GABRA3: variants seen among roughly 807,000 people sequenced by gnomAD.
GABRA3 encodes the protein gamma-aminobutyric acid receptor subunit alpha-3.
Under a neutral mutation model 30.1 loss-of-function variants are expected in GABRA3, and 10 were observed. That is an observed-to-expected ratio of 0.33 (90% confidence interval 0.20 to 0.56). The LOEUF is 0.56. GABRA3 is among the 20% of genes least tolerant of loss of function. The pLI, the probability that GABRA3 is intolerant of heterozygous loss-of-function variation, is 0.89. For missense variants in GABRA3, 233 were observed against 392.0 expected (o/e 0.59, Z 3.42); for synonymous variants, 151 against 146.8 (o/e 1.03, Z -0.21).
In GABRA3 at chrX:152,296,263, C is replaced by T. The variant is rs145858573; in HGVS notation, c.263-11528G>A. ...ACTAGCTATCTGAGTTGGCTAGCTT[C>T]ATAGATTTAAGGAGTGGACAACAGT... is the stretch of plus-strand genomic sequence containing the variant. On this transcript the variant is annotated intron_variant, in intron 3 of 9. Transcript: ENST00000370314. 9.6e-3 allele frequency among the ~76,000 whole-genome samples: 1,074 copies of T among 111,993 alleles called. 5 individuals are homozygous for T. The highest frequency in any genetic ancestry group is 0.016 in the Non-Finnish European group (837 of 53,203).
At chrX:152,364,674 AAG>A in intron 1 of GABRA3, 78 bp from the exon 2 acceptor site, 1 of 714,329 alleles carries the variant, frequency 1.4e-6, no homozygotes, top group Non-Finnish European at 2.0e-6. Flanking sequence ...AGAGGTAAAA[AAG>A]AGAGAAAGAG....
Position 152,189,951 on chromosome X carries a change from G to A in GABRA3, c.932-10C>T, listed in dbSNP as rs1937301368. 8.7e-7 allele frequency: 1 copy of A among 1,143,394 alleles called. No homozygotes were observed. The highest frequency in any genetic ancestry group is 1.8e-5 in the African/African-American group (1 of 55,308). The allele number at this position is 1,143,394 out of a possible 1,213,427, so 94.2% of individuals were successfully genotyped here. ...AGCACAGTGGTGACACCTGAGGAGA[G>A]GAAAGATGAGAACCAGTTGCAACTG... On this transcript the variant is annotated splice_polypyrimidine_tract_variant and intron_variant, in intron 8 of 9. Coordinates refer to ENST00000370314, the MANE Select transcript of GABRA3 (RefSeq NM_000808.4).
intron 3 of GABRA3, among the ~76,000 whole-genome samples, chrX:152,336,868 CA>C (rs1160340675): frequency 9.0e-6 from 1 of 111,095 alleles, no homozygotes; most frequent in African/African-American, 3.3e-5. Flanking sequence ...TAAACAGCTT[CA>C]AGAGGAAATC....
intron 4 of GABRA3, among the ~76,000 whole-genome samples, chrX:152,269,806 C>A (rs1252126934): frequency 2.7e-5 from 3 of 111,894 alleles, no homozygotes; most frequent in African/African-American, 9.7e-5. Context: ...AAGAAATAAA[C>A]TCGTCCCCTA....
At chrX:152,334,270 A>C in intron 3 of GABRA3, among the ~76,000 whole-genome samples, 1 of 111,752 alleles carries the variant, frequency 8.9e-6, no homozygotes, top group Non-Finnish European at 1.9e-5. Flanking sequence ...TTTAATGTTG[A>C]AAGACTGAAC....
intron 1 of GABRA3, among the ~76,000 whole-genome samples, chrX:152,422,436 GT>G (rs1442410658): frequency 1.8e-5 from 2 of 110,772 alleles, no homozygotes; most frequent in African/African-American, 6.5e-5. Flanking sequence ...TAAAGAGATG[GT>G]TCTGGTGTGT....
At chrX:152,171,712 C>T (rs1440722873) in intron 9 of GABRA3, among the ~76,000 whole-genome samples, 1 of 111,687 alleles carries the variant, frequency 9.0e-6, no homozygotes, top group Non-Finnish European at 1.9e-5. Flanking sequence ...TGAGTCTTGA[C>T]CTTTGCTGCA....
intron 3 of GABRA3, among the ~76,000 whole-genome samples, chrX:152,293,809 A>T (rs1939471635): frequency 9.0e-6 from 1 of 111,292 alleles, no homozygotes; most frequent in African/African-American, 3.3e-5. Flanking sequence ...GAGCTCTTGT[A>T]AGGCAGGCCT....
chrX:152,344,577 A>G (rs1444709508), intron 3 of GABRA3, among the ~76,000 whole-genome samples: 1 of 111,933 alleles, frequency 8.9e-6, no homozygotes, highest in Admixed American at 9.5e-5. Flanking sequence ...ATCTCTCCAC[A>G]AATTACGTAT....
At chrX:152,290,804 G>C (rs917387381) in intron 3 of GABRA3, among the ~76,000 whole-genome samples, 1 of 111,792 alleles carries the variant, frequency 8.9e-6, no homozygotes, top group African/African-American at 3.3e-5. Context: ...TGTCAGGTTT[G>C]TCAAAGATCA....
chrX:152,180,751 G>T (rs1937134870), intron 9 of GABRA3, among the ~76,000 whole-genome samples: 1 of 111,996 alleles, frequency 8.9e-6, no homozygotes, highest in East Asian at 2.8e-4. Flanking sequence ...TCATTTCTCT[G>T]TGTGTGGCTA....
intron 1 of GABRA3, among the ~76,000 whole-genome samples, chrX:152,424,928 CTTTTTT>C (rs747255822): frequency 2.4e-5 from 1 of 42,358 alleles, no homozygotes; most frequent in Non-Finnish European, 3.8e-5. Context: ...TTTTTCTTTT[CTTTTTT>C]TTTTTTTTTT....
chrX:152,182,523 C>T (rs1316481992), intron 9 of GABRA3, among the ~76,000 whole-genome samples: 3 of 75,346 alleles, frequency 4.0e-5, no homozygotes, highest in Non-Finnish European at 7.7e-5. Flanking sequence ...ATAGTATACA[C>T]ACTATATATG....
At chrX:152,278,166 T>A (rs1939123712) in intron 4 of GABRA3, among the ~76,000 whole-genome samples, 1 of 111,468 alleles carries the variant, frequency 9.0e-6, no homozygotes, top group Non-Finnish European at 1.9e-5. Context: ...TGTGCAGGTT[T>A]GTTACATATG....
intron 1 of GABRA3, among the ~76,000 whole-genome samples, chrX:152,372,239 T>C (rs943653621): frequency 6.3e-5 from 7 of 111,440 alleles, no homozygotes; most frequent in African/African-American, 2.3e-4. Context: ...GAATCCTAAG[T>C]ACTTGCCATG....
chrX:152,184,114 A>G (rs1446263610), intron 9 of GABRA3, among the ~76,000 whole-genome samples: 1 of 109,831 alleles, frequency 9.1e-6, no homozygotes, highest in Non-Finnish European at 1.9e-5. Flanking sequence ...TCTCTGATTT[A>G]TTTTTATATA....
intron 1 of GABRA3, among the ~76,000 whole-genome samples, chrX:152,444,732 GT>G (rs1380286520): frequency 0.012 from 269 of 23,172 alleles, 20 homozygotes; most frequent in South Asian, 0.033. Context: ...TAATACTTGT[GT>G]GTTTTTTTTT....
intron 6 of GABRA3, among the ~76,000 whole-genome samples, chrX:152,212,542 C>T (rs903212803): frequency 9.1e-6 from 1 of 109,535 alleles, no homozygotes; most frequent in Non-Finnish European, 1.9e-5. Context: ...AAGGATCACC[C>T]TAGCTGCCGT....
chrX:152,443,773 G>T (rs1214578699), intron 1 of GABRA3, among the ~76,000 whole-genome samples: 1 of 111,681 alleles, frequency 9.0e-6, no homozygotes, highest in Non-Finnish European at 1.9e-5. Flanking sequence ...TTTGAATAAA[G>T]ACCTAAAAAA....
Sources: allele counts gnomAD v4.1 joint callset (sites outside exome capture counted in the v4.1 genomes callset), GRCh38; gene constraint gnomAD v4.1.1; transcripts MANE v1.5; gene names NCBI Gene and HGNC (gene_info 2026-07-23, HGNC 2026-07-21).